ARFGEF1: variants seen among roughly 807,000 people sequenced by gnomAD.
ARFGEF1 encodes the protein brefeldin A-inhibited guanine nucleotide-exchange protein 1.
ARFGEF1 carries 42 observed loss-of-function variants against 231.0 expected under a neutral mutation model. That is an observed-to-expected ratio of 0.18 (90% CI 0.14 to 0.24). ARFGEF1 has a LOEUF of 0.24. ARFGEF1 is among the 10% of genes least tolerant of loss of function. ARFGEF1 has a pLI of 1.00. For missense variants in ARFGEF1, 1,345 were observed against 2,192.0 expected, an observed-to-expected ratio of 0.61 and a Z score of 7.72; for synonymous variants, 710 against 732.3, an observed-to-expected ratio of 0.97 and a Z score of 0.49.
rs1158751019 is a variant in ARFGEF1 at position 67,267,491 on chromosome 8, T to G, written c.1573-49A>C. On this transcript the variant is annotated intron_variant, in intron 10 of 38. Transcript: ENST00000262215. ...TTTAAAATATTGTTTAGAATTCATATGTGTGATCACTTTTTAAACATCCCA... is the reference window on the plus strand; with the variant it reads ...TTTAAAATATTGTTTAGAATTCATAGGTGTGATCACTTTTTAAACATCCCA... The G allele has an allele frequency of 4.0e-6, 5 of 1,236,384 alleles. No individual in the cohort carries two copies. In the East Asian group the frequency reaches 1.2e-4, roughly 29 times the overall value. 76.6% of individuals were successfully genotyped at this position (1,236,384 alleles called of 1,614,324 possible).
At chr8:67,205,727 G>A (rs1199362011) in intron 34 of ARFGEF1, among the ~76,000 whole-genome samples, 1 of 151,960 alleles carries the variant, frequency 6.6e-6, no homozygotes, top group Non-Finnish European at 1.5e-5. Flanking sequence ...GCATGGTTGC[G>A]CACACTTGTA....
Position 67,198,504 on chromosome 8 carries a change from C to G in ARFGEF1, c.*430G>C. ...GTTGCTAAATATCTTTTACCATGAACAATAATTTCTTCTTCTCTCCCCACT... is the reference window on the plus strand; with the variant it reads ...GTTGCTAAATATCTTTTACCATGAAGAATAATTTCTTCTTCTCTCCCCACT... On this transcript the variant is annotated 3_prime_UTR_variant, in exon 39 of 39. Transcript: ENST00000262215. 2 of 989,722 alleles carry G rather than the reference C, an allele frequency of 2.0e-6. No individual in the cohort carries two copies. The highest frequency in any genetic ancestry group is 2.4e-6 in the Non-Finnish European group (2 of 832,844). The allele number at this position is 989,722 out of a possible 1,614,324, so 61.3% of individuals were successfully genotyped here.
At chr8:67,233,636 A>G (rs1839623362) in intron 22 of ARFGEF1, among the ~76,000 whole-genome samples, 1 of 151,974 alleles carries the variant, frequency 6.6e-6, no homozygotes, top group Non-Finnish European at 1.5e-5. Flanking sequence ...TAGATTACTG[A>G]AACCATTTCA....
In ARFGEF1 at chr8:67,203,123, A is replaced by G; in HGVS notation, c.5088T>C (p.Phe1696=). Residue 1696 remains phenylalanine, a synonymous_variant, in exon 36 of 39, where the codon TTT becomes TTC. Coordinates refer to ENST00000262215, the MANE Select transcript of ARFGEF1 (RefSeq NM_006421.5). ...CAGTCCTCTGTTCGTTGTTGGAATT[A>G]AACGCTTTTGCAAATCTATGTGACT... ...LLESHRFAKA[F]NSNNEQRTAL... 3 of 1,614,072 alleles carry G rather than the reference A, an allele frequency of 1.9e-6. No individual in the cohort carries two copies. The highest frequency in any genetic ancestry group is 1.3e-5 in the African/African-American group (1 of 75,054).
At chr8:67,281,407 C>T (rs1455232139) in intron 7 of ARFGEF1, among the ~76,000 whole-genome samples, 1 of 151,806 alleles carries the variant, frequency 6.6e-6, no homozygotes, top group South Asian at 2.1e-4. Context: ...CACACAGTCA[C>T]GTATATACAA....
intron 5 of ARFGEF1, among the ~76,000 whole-genome samples, chr8:67,295,343 A>C (rs1028542556): frequency 6.6e-6 from 1 of 152,168 alleles, no homozygotes; most frequent in Non-Finnish European, 1.5e-5. Flanking sequence ...TACTAACTTC[A>C]TAGTGGAGGA....
At chr8:67,296,893 C>T (rs114642867) in intron 4 of ARFGEF1, among the ~76,000 whole-genome samples, 2,301 of 152,200 alleles carry the variant, frequency 0.015, 63 homozygotes, top group African/African-American at 0.053. Flanking sequence ...TTCATGCAAG[C>T]CTCCCACCTC....
intron 22 of ARFGEF1, among the ~76,000 whole-genome samples, chr8:67,233,228 T>C (rs1433951784): frequency 6.6e-6 from 1 of 151,976 alleles, no homozygotes; most frequent in Non-Finnish European, 1.5e-5. Context: ...AGATATTAGA[T>C]ATAATTTCCC....
At chr8:67,311,011 C>G (rs1806999858) in intron 1 of ARFGEF1, among the ~76,000 whole-genome samples, 1 of 149,020 alleles carries the variant, frequency 6.7e-6, no homozygotes, top group African/African-American at 2.5e-5. Flanking sequence ...GCCCGGCCAG[C>G]CGCCCCGTCT....
At chr8:67,242,615 G>C (rs1236882199) in intron 19 of ARFGEF1, among the ~76,000 whole-genome samples, 2 of 152,220 alleles carry the variant, frequency 1.3e-5, no homozygotes, top group Non-Finnish European at 1.5e-5. Flanking sequence ...GGTGGCTATG[G>C]GGAGGGACTC....
At chr8:67,213,426 T>G (rs901381387) in intron 33 of ARFGEF1, among the ~76,000 whole-genome samples, 2 of 152,122 alleles carry the variant, frequency 1.3e-5, no homozygotes, top group African/African-American at 2.4e-5. Context: ...ATTGTGTGTC[T>G]GGGAGGCAGG....
chr8:67,192,940 C>T (rs1409091207), downstream of ARFGEF1, among the ~76,000 whole-genome samples: 1 of 152,166 alleles, frequency 6.6e-6, no homozygotes, highest in African/African-American at 2.4e-5. Flanking sequence ...TCCTATAATT[C>T]TCAAGCTTTA....
intron 34 of ARFGEF1, among the ~76,000 whole-genome samples, chr8:67,208,679 C>T (rs1349674434): frequency 1.4e-5 from 2 of 142,858 alleles, no homozygotes; most frequent in East Asian, 4.0e-4. Flanking sequence ...TAGAAGACAA[C>T]ATTGGGGGAA....
chr8:67,252,057 G>GT (rs1467912754), intron 18 of ARFGEF1, among the ~76,000 whole-genome samples: 2 of 152,026 alleles, frequency 1.3e-5, no homozygotes, highest in African/African-American at 4.8e-5. Flanking sequence ...ATCACCTGAG[G>GT]TCAGGAGTTC....
At chr8:67,312,031 T>C (rs781019957) in intron 1 of ARFGEF1, among the ~76,000 whole-genome samples, 2 of 152,072 alleles carry the variant, frequency 1.3e-5, no homozygotes, top group Non-Finnish European at 2.9e-5. Flanking sequence ...AACAGATGCT[T>C]GAAGGCAGCA....
intron 1 of ARFGEF1, among the ~76,000 whole-genome samples, chr8:67,318,093 T>A (rs1267994246): frequency 1.4e-5 from 2 of 147,726 alleles, no homozygotes; most frequent in African/African-American, 5.0e-5. Flanking sequence ...AAAAATTAGC[T>A]GGGCGTGGTG....
At chr8:67,218,213 T>C in intron 30 of ARFGEF1, 75 bp from the exon 31 acceptor site, 1 of 179,344 alleles carries the variant, frequency 5.6e-6, no homozygotes, top group East Asian at 1.3e-4. Flanking sequence ...AAAAAATATA[T>C]ATATATATAT....
At chr8:67,255,875 G>C (rs76940878) in intron 17 of ARFGEF1, among the ~76,000 whole-genome samples, 1 of 152,164 alleles carries the variant, frequency 6.6e-6, no homozygotes, top group Non-Finnish European at 1.5e-5. Flanking sequence ...TCCCTAACTG[G>C]TATGTCCTTA....
At chr8:67,236,361 A>ATAT (rs1839748784) in intron 22 of ARFGEF1, among the ~76,000 whole-genome samples, 2 of 42,064 alleles carry the variant, frequency 4.8e-5, no homozygotes, top group Non-Finnish European at 8.5e-5. Context: ...AAAAAAAAAA[A>ATAT]AAAAATATAT....
Sources: allele counts gnomAD v4.1 joint callset (sites outside exome capture counted in the v4.1 genomes callset), GRCh38; gene constraint gnomAD v4.1.1; transcripts MANE v1.5; gene names NCBI Gene and HGNC (gene_info 2026-07-23, HGNC 2026-07-21).